EXT2: variants seen among roughly 807,000 people sequenced by gnomAD.
The protein encoded by EXT2 is exostosin-2.
A neutral mutation model predicts 81.6 loss-of-function variants in EXT2; 53 were observed. That is an observed-to-expected ratio of 0.65 (90% CI 0.52 to 0.82). The LOEUF (loss-of-function observed/expected upper bound fraction) is 0.82, where lower values mean the gene tolerates loss of function less well. EXT2 is among the 40% of genes least tolerant of loss of function. The probability of loss-of-function intolerance (pLI) is 0.00; values close to 1 mark genes in which losing one functional copy is unlikely to be tolerated. For missense variants in EXT2, 774 were observed against 910.2 expected (o/e 0.85, Z 1.93); for synonymous variants, 320 against 340.0 (o/e 0.94, Z 0.65).
In EXT2 at chr11:44,137,017, A is replaced by C. The variant is rs142239471; in HGVS notation, c.1173+6879A>C. On this transcript the variant is annotated intron_variant, in intron 7 of 13. Coordinates refer to ENST00000533608, the MANE Select transcript of EXT2 (RefSeq NM_207122.2). ...TCAGTAGCACTCTATATTCTGTTTG[A>C]ATTTTCCTAGTATGTATATCCCTAT... is the stretch of plus-strand genomic sequence containing the variant. Among the ~76,000 whole-genome samples, 833 of 152,038 alleles carry C rather than the reference A, an allele frequency of 5.5e-3. 13 individuals are homozygous for C. The highest frequency in any genetic ancestry group is 0.019 in the African/African-American group (789 of 41,486).
chr11:44,112,005 T>G (rs1954151303), intron 3 of EXT2, among the ~76,000 whole-genome samples: 1 of 152,248 alleles, frequency 6.6e-6, no homozygotes, highest in Non-Finnish European at 1.5e-5. Context: ...TTTGACTCAG[T>G]GAACAAATAA....
rs575078553 is a variant in EXT2 at position 44,242,064 on chromosome 11, T to C, written c.2019-2085T>C. 2.0e-5 allele frequency among the ~76,000 whole-genome samples: 3 copies of C among 152,308 alleles called. No individual in the cohort carries two copies. The South Asian group carries it at 6.2e-4, about 32-fold the overall frequency. ...ACCCATTCCTGTTGGCGGATCTAGTTACAGAGGAGACATTGTCCTCAATAC... is the reference window on the plus strand; with the variant it reads ...ACCCATTCCTGTTGGCGGATCTAGTCACAGAGGAGACATTGTCCTCAATAC... On this transcript the variant is annotated intron_variant, in intron 13 of 13. Transcript: ENST00000533608.
intron 8 of EXT2, among the ~76,000 whole-genome samples, chr11:44,181,354 G>A (rs1464679316): frequency 6.6e-6 from 1 of 152,110 alleles, no homozygotes; most frequent in East Asian, 1.9e-4. Flanking sequence ...TGACGTGGGT[G>A]TTTTCTGCTA....
intron 7 of EXT2, among the ~76,000 whole-genome samples, chr11:44,141,704 C>T (rs115476017): frequency 0.011 from 1,732 of 152,330 alleles, 42 homozygotes; most frequent in African/African-American, 0.04. Context: ...GGAGAATAGT[C>T]TCTAAAGTTA....
chr11:44,243,460 A>C (rs1392561455), intron 13 of EXT2, among the ~76,000 whole-genome samples: 3 of 152,170 alleles, frequency 2.0e-5, no homozygotes. Flanking sequence ...GGGAGTGACA[A>C]AAATGATGAA....
chr11:44,197,184 G>GT (rs955674289), intron 8 of EXT2, among the ~76,000 whole-genome samples: 4 of 152,150 alleles, frequency 2.6e-5, no homozygotes, highest in African/African-American at 7.2e-5. Context: ...GGGAAGAGTC[G>GT]TTTTTCTGGC....
At chr11:44,205,754 G>A (rs773101360) in intron 9 of EXT2, among the ~76,000 whole-genome samples, 16 of 152,126 alleles carry the variant, frequency 1.1e-4, no homozygotes, top group South Asian at 4.2e-4. Flanking sequence ...GGCCAGGAGC[G>A]CTTTGGGACT....
chr11:44,111,716 C>T (rs369449823), intron 3 of EXT2, among the ~76,000 whole-genome samples: 13 of 152,284 alleles, frequency 8.5e-5, no homozygotes, highest in African/African-American at 2.9e-4. Context: ...TGTCCAGCTT[C>T]GATCATTATC....
Position 44,157,946 on chromosome 11 carries a change from A to G in EXT2, c.1174-13665A>G, listed in dbSNP as rs543635488. ...CTCTTAAGGCAGCAGACTGAATCCT[A>G]CCAGCACTGGGCCCTTCTCTTCAAG... On this transcript the variant is annotated intron_variant, in intron 7 of 13. Transcript: ENST00000533608. Among the ~76,000 whole-genome samples, 5 of 152,202 alleles carry G rather than the reference A, an allele frequency of 3.3e-5. No homozygotes were observed. In the South Asian group the frequency reaches 1.0e-3, roughly 32 times the overall value.
At chr11:44,187,967 C>G (rs1955339724) in intron 8 of EXT2, among the ~76,000 whole-genome samples, 1 of 152,038 alleles carries the variant, frequency 6.6e-6, no homozygotes, top group South Asian at 2.1e-4. Flanking sequence ...AAATTTGGCC[C>G]CCAAGTTAAA....
intron 4 of EXT2, among the ~76,000 whole-genome samples, chr11:44,117,792 C>G (rs1313605738): frequency 6.6e-6 from 1 of 152,176 alleles, no homozygotes; most frequent in Non-Finnish European, 1.5e-5. Flanking sequence ...AGGTCTCGCT[C>G]TGTCACCCTG....
intron 8 of EXT2, among the ~76,000 whole-genome samples, chr11:44,181,712 A>G (rs1025922094): frequency 9.2e-5 from 14 of 152,080 alleles, no homozygotes; most frequent in African/African-American, 3.4e-4. Flanking sequence ...TTTCTCTCTG[A>G]AGATATTATT....
intron 8 of EXT2, among the ~76,000 whole-genome samples, chr11:44,184,703 A>G (rs1187386725): frequency 6.6e-6 from 1 of 152,216 alleles, no homozygotes; most frequent in Non-Finnish European, 1.5e-5. Context: ...GTGAGCCGAG[A>G]TGGTGCCACT....
At chr11:44,173,249 A>G (rs1955103030) in intron 8 of EXT2, among the ~76,000 whole-genome samples, 1 of 152,220 alleles carries the variant, frequency 6.6e-6, no homozygotes, top group South Asian at 2.1e-4. Flanking sequence ...GGTAAAAACA[A>G]CAGCAAACAT....
Position 44,126,873 on chromosome 11 carries a change from G to C in EXT2, c.997G>C (p.Asp333His). 1 of 1,614,176 alleles carries C rather than the reference G, an allele frequency of 6.2e-7. No homozygotes were observed. The highest frequency in any genetic ancestry group is 1.7e-4 in the Middle Eastern group (1 of 6,060). Residue 333 changes from aspartate (D) to histidine (H), a missense_variant, in exon 6 of 14, where the codon GAT becomes CAT. This residue lies in a region of EXT2 where 626 missense variants were observed against 670.5 expected (regional missense o/e 0.93). Transcript: ENST00000533608. Reference protein sequence around the residue: ...GARLGQAVLSDVLQAGCVPVV... With the variant: ...GARLGQAVLSHVLQAGCVPVV... ...TCGGCTGGGCCAGGCAGTATTGAGC[G>C]ATGTGTTACAAGCTGGCTGTGTCCC... is the stretch of plus-strand genomic sequence containing the variant.
At chr11:44,138,980 A>G (rs1954608091) in intron 7 of EXT2, among the ~76,000 whole-genome samples, 1 of 152,206 alleles carries the variant, frequency 6.6e-6, no homozygotes, top group South Asian at 2.1e-4. Flanking sequence ...GAGTGGTCTT[A>G]AAGAACCACA....
intron 1 of EXT2, among the ~76,000 whole-genome samples, chr11:44,102,304 T>C (rs900106411): frequency 1.3e-5 from 2 of 152,186 alleles, no homozygotes; most frequent in African/African-American, 4.8e-5. Context: ...TGCAGACAGA[T>C]GCTCTAGTCT....
intron 7 of EXT2, among the ~76,000 whole-genome samples, chr11:44,140,273 C>T (rs1031601027): frequency 1.1e-4 from 17 of 152,296 alleles, no homozygotes; most frequent in Admixed American, 5.2e-4. Flanking sequence ...TCTCTGCCTC[C>T]GCAGCATCAC....
intron 5 of EXT2, 105 bp downstream of exon 5, chr11:44,125,089 T>A: frequency 9.5e-7 from 1 of 1,049,804 alleles, no homozygotes; most frequent in Non-Finnish European, 1.4e-6. Context: ...CAACTAGAAT[T>A]ACCCAAGGGG....
Sources: gnomAD v4.1 joint callset for allele counts (sites outside exome capture counted in the v4.1 genomes callset) on GRCh38, gnomAD v4.1.1 for gene constraint, gnomAD v4.1.1 regional missense constraint, MANE v1.5 for transcripts, NCBI Gene and HGNC (gene_info 2026-07-23, HGNC 2026-07-21) for gene names.